The following LINGO1 variants were observed in gnomAD, a reference collection of about 807,000 sequenced individuals.
LINGO1 encodes the protein leucine rich repeat and Ig domain containing 1, also known as leucine-rich repeat and immunoglobulin-like domain-containing nogo receptor-interacting protein 1.
Under a neutral mutation model 37.3 loss-of-function variants are expected in LINGO1, and 11 were observed. That is an observed-to-expected ratio of 0.29 (90% CI 0.19 to 0.49). LINGO1 has a LOEUF of 0.49. Ranked by LOEUF, LINGO1 falls within the 20% of genes least tolerant of loss-of-function variation. LINGO1 has a pLI of 0.99. For missense variants in LINGO1, 585 were observed against 878.2 expected (o/e 0.67, Z 4.22); for synonymous variants, 387 against 403.0 (o/e 0.96, Z 0.48).
rs1429110488 is a variant in LINGO1, at chr15:77,632,700, G to A, written c.-385C>T. Among the ~76,000 whole-genome samples, 2 of 145,902 alleles carry A rather than the reference G, an allele frequency of 1.4e-5. No individual in the cohort carries two copies. Among genetic ancestry groups the A allele is most frequent in the Non-Finnish European group, 3.0e-5 (2 of 65,708 alleles). ...GCCGGGCGCGCTCCGCCGCGGGGCC[G>A]GGGCCGGCGGGCAGCGGCCGCGCAT... On this transcript the variant is annotated 5_prime_UTR_variant, in exon 1 of 2. Coordinates refer to ENST00000355300, the MANE Select transcript of LINGO1 (RefSeq NM_032808.7). The surrounding 1 kb of genome is among the most constrained non-coding windows in gnomAD (Gnocchi z 6.0).
chr15:77,746,657 T>A (rs2076317701), intron 1 of LINGO1, among the ~76,000 whole-genome samples: 1 of 152,030 alleles, frequency 6.6e-6, no homozygotes, highest in Admixed American at 6.5e-5. Flanking sequence ...AGGCACCCTA[T>A]CCTACAGGAG....
intron 2 of LINGO1, among the ~76,000 whole-genome samples, chr15:77,679,336 T>C (rs2075377079): frequency 6.6e-6 from 1 of 152,238 alleles, no homozygotes; most frequent in Non-Finnish European, 1.5e-5. Flanking sequence ...TTACTTTCCA[T>C]CTCTTCCATC....
chr15:77,636,935 A>G (rs1429425624), upstream of LINGO1, among the ~76,000 whole-genome samples: 1 of 152,152 alleles, frequency 6.6e-6, no homozygotes, highest in African/African-American at 2.4e-5. Context: ...GGATGGAGGC[A>G]CCTGAGGGGG....
At chr15:77,745,726 C>A (rs896605072) in intron 1 of LINGO1, among the ~76,000 whole-genome samples, 7 of 152,168 alleles carry the variant, frequency 4.6e-5, no homozygotes, top group African/African-American at 4.8e-5. Context: ...GCAAGACCAG[C>A]CATCTTTATT....
At chr15:77,717,424 G>C (rs2075997658) in intron 2 of LINGO1, among the ~76,000 whole-genome samples, 2 of 150,800 alleles carry the variant, frequency 1.3e-5, no homozygotes, top group African/African-American at 4.8e-5. Flanking sequence ...GTAGGAGCCA[G>C]TGTGTCTACC....
intron 2 of LINGO1, among the ~76,000 whole-genome samples, chr15:77,724,272 C>T (rs974158761): frequency 4.6e-5 from 7 of 152,240 alleles, no homozygotes; most frequent in Non-Finnish European, 1.0e-4. Flanking sequence ...TGCACCGACT[C>T]AGCATCAGGG....
chr15:77,717,827 G>A (rs1360415552), intron 2 of LINGO1, among the ~76,000 whole-genome samples: 3 of 150,874 alleles, frequency 2.0e-5, no homozygotes, highest in Admixed American at 6.6e-5. Context: ...CTCCACTATG[G>A]TGGGGAAAGG....
chr15:77,721,575 G>A (rs1395587266), intron 2 of LINGO1, among the ~76,000 whole-genome samples: 2 of 152,210 alleles, frequency 1.3e-5, no homozygotes, highest in Non-Finnish European at 2.9e-5. Flanking sequence ...GCTCCATGAA[G>A]AACCCGGTTT....
At chr15:77,664,010 C>T (rs1486575711) in intron 3 of LINGO1, among the ~76,000 whole-genome samples, 1 of 152,172 alleles carries the variant, frequency 6.6e-6, no homozygotes, top group African/African-American at 2.4e-5. Flanking sequence ...TGCCTTCGGA[C>T]CTCGGCTGAG....
rs930888712 is a variant in LINGO1, at chr15:77,748,968, C to T, written c.-256-13915G>A. Among the ~76,000 whole-genome samples the T allele has an allele frequency of 2.2e-5, 3 of 136,408 alleles. No homozygotes were observed. The South Asian group carries it at 7.0e-4, about 32-fold the overall frequency. 89.5% of individuals were successfully genotyped at this position (136,408 alleles called of 152,430 possible). On this transcript the variant is annotated intron_variant, in intron 1 of 3. Coordinates refer to the LINGO1 transcript ENST00000561686. ...TGTCTCCCAGGCTGGAGTGCACTGG[C>T]GTGATATTGGCTCACTGCAACCTCT...
intron 1 of LINGO1, among the ~76,000 whole-genome samples, chr15:77,736,004 C>A (rs1331936729): frequency 6.6e-6 from 1 of 152,212 alleles, no homozygotes; most frequent in Admixed American, 6.5e-5. Flanking sequence ...ACCTAAATGA[C>A]TACCTTCACA....
intron 1 of LINGO1, among the ~76,000 whole-genome samples, chr15:77,630,681 CT>C (rs2074228200): frequency 1.3e-5 from 2 of 152,178 alleles, no homozygotes; most frequent in South Asian, 2.1e-4. Flanking sequence ...AACACTGCAG[CT>C]TTAACTAAGC....
At chr15:77,727,852 G>A (rs1336240014) in intron 2 of LINGO1, among the ~76,000 whole-genome samples, 2 of 152,156 alleles carry the variant, frequency 1.3e-5, no homozygotes, top group Admixed American at 6.5e-5. Context: ...ACAGCTGGCA[G>A]GTGGCAATGC....
intron 3 of LINGO1, among the ~76,000 whole-genome samples, chr15:77,644,163 C>T (rs74025338): frequency 3.3e-5 from 5 of 152,322 alleles, no homozygotes; most frequent in African/African-American, 9.6e-5. Context: ...GTTGTGTTGT[C>T]GAACTCTGTG....
intron 2 of LINGO1, among the ~76,000 whole-genome samples, chr15:77,702,776 A>G (rs1471519954): frequency 6.6e-6 from 1 of 152,046 alleles, no homozygotes; most frequent in Non-Finnish European, 1.5e-5. Flanking sequence ...CCAATCCCTG[A>G]TCCTATCTAA....
chr15:77,741,957 G>A (rs1268444470), intron 1 of LINGO1, among the ~76,000 whole-genome samples: 2 of 152,220 alleles, frequency 1.3e-5, no homozygotes, highest in African/African-American at 2.4e-5. Flanking sequence ...GATGGGCAAG[G>A]GAGAAAGGCA....
chr15:77,807,181 G>A (rs114002114), intron 1 of LINGO1, among the ~76,000 whole-genome samples: 1,536 of 152,252 alleles, frequency 0.01, 24 homozygotes, highest in African/African-American at 0.035. Flanking sequence ...AGCCTTCCCC[G>A]AGTACCCCGG....
At chr15:77,712,277 C>T (rs1345030147) in intron 2 of LINGO1, among the ~76,000 whole-genome samples, 1 of 152,152 alleles carries the variant, frequency 6.6e-6, no homozygotes, top group Non-Finnish European at 1.5e-5. Context: ...CCTCCAGCTC[C>T]TCTCCTTACA....
intron 2 of LINGO1, among the ~76,000 whole-genome samples, chr15:77,730,336 G>A (rs1275664584): frequency 6.6e-6 from 1 of 152,126 alleles, no homozygotes; most frequent in Non-Finnish European, 1.5e-5. Flanking sequence ...GTTACCCAAT[G>A]GGAAAACTGA....
Sources: gnomAD v4.1 joint callset for allele counts (sites outside exome capture counted in the v4.1 genomes callset) on GRCh38, gnomAD v4.1.1 for gene constraint, Gnocchi (gnomAD v3.1) non-coding constraint, MANE v1.5 for transcripts, NCBI Gene and HGNC (gene_info 2026-07-23, HGNC 2026-07-21) for gene names.